PKN2: variants seen among roughly 807,000 people sequenced by gnomAD.
PKN2 encodes protein kinase N2, also known as serine/threonine-protein kinase N2.
PKN2 carries 38 observed loss-of-function variants against 119.1 expected under a neutral mutation model. The ratio of observed to expected loss-of-function variants is 0.32; its 90% CI spans 0.25 to 0.42. PKN2 has a LOEUF of 0.42. Ranked by LOEUF, PKN2 falls within the 10% of genes least tolerant of loss-of-function variation. The probability of loss-of-function intolerance (pLI) is 1.00; values close to 1 mark genes in which losing one functional copy is unlikely to be tolerated. For missense variants in PKN2, 850 were observed against 1,165.1 expected (o/e 0.73, Z 3.94); for synonymous variants, 390 against 384.9 (o/e 1.01, Z -0.15).
At chr1:88,798,833 G>T (rs1318369591) in intron 8 of PKN2, among the ~76,000 whole-genome samples, 1 of 152,142 alleles carries the variant, frequency 6.6e-6, no homozygotes, top group Non-Finnish European at 1.5e-5. Flanking sequence ...TTCCTACAAG[G>T]ATACATAAAA....
intron 6 of PKN2, among the ~76,000 whole-genome samples, chr1:88,772,673 A>C (rs1669943615): frequency 6.6e-6 from 1 of 151,948 alleles, no homozygotes. Context: ...ATCTGTTTTC[A>C]ATTTGGGGGT....
intron 1 of PKN2, among the ~76,000 whole-genome samples, chr1:88,716,810 G>T (rs1403731148): frequency 6.6e-6 from 1 of 152,096 alleles, no homozygotes; most frequent in Non-Finnish European, 1.5e-5. Context: ...GGTTAATATT[G>T]TTATGTGTGA....
intron 1 of PKN2, among the ~76,000 whole-genome samples, chr1:88,690,758 C>T (rs1324658513): frequency 1.3e-5 from 2 of 151,644 alleles, no homozygotes; most frequent in Non-Finnish European, 2.9e-5. Context: ...ATAAATATTG[C>T]CTGTAAAAAA....
intron 6 of PKN2, among the ~76,000 whole-genome samples, chr1:88,778,543 T>C (rs1219492806): frequency 1.3e-5 from 2 of 152,194 alleles, no homozygotes; most frequent in African/African-American, 4.8e-5. Context: ...TTGCAAAGTC[T>C]TTTATTCTCC....
chr1:88,748,393 A>G (rs573924859), intron 2 of PKN2, among the ~76,000 whole-genome samples: 8 of 152,108 alleles, frequency 5.3e-5, no homozygotes, highest in Non-Finnish European at 1.0e-4. Context: ...TGCCTTTGAA[A>G]TTCCTTCAAG....
chr1:88,721,871 T>G (rs1261099203), intron 1 of PKN2, among the ~76,000 whole-genome samples: 2 of 152,180 alleles, frequency 1.3e-5, no homozygotes, highest in African/African-American at 2.4e-5. Context: ...CCACTCTATG[T>G]GAGTGTGTGT....
At chr1:88,771,970 T>A (rs1669912654) in intron 6 of PKN2, 91 bp downstream of exon 6, 2 of 808,324 alleles carry the variant, frequency 2.5e-6, no homozygotes, top group South Asian at 3.4e-5. Context: ...GTGCATAGAT[T>A]TTTAAAATTA....
intron 2 of PKN2, among the ~76,000 whole-genome samples, chr1:88,753,347 T>C (rs1669075317): frequency 6.6e-6 from 1 of 152,216 alleles, no homozygotes; most frequent in Admixed American, 6.5e-5. Flanking sequence ...CTTCCCAGAG[T>C]ACATCCTTTC....
chr1:88,686,141 AT>A (rs1217553090), intron 1 of PKN2, among the ~76,000 whole-genome samples: 1 of 152,170 alleles, frequency 6.6e-6, no homozygotes, highest in Non-Finnish European at 1.5e-5. Flanking sequence ...ATAGTAAATA[AT>A]TTACATGAGC....
At chr1:88,797,172 A>G (rs1671105523) in intron 8 of PKN2, among the ~76,000 whole-genome samples, 1 of 151,838 alleles carries the variant, frequency 6.6e-6, no homozygotes, top group Admixed American at 6.6e-5. Context: ...CATCTCTACT[A>G]AAAATCCAAA....
At chr1:88,699,441 G>A (rs999791124) in intron 1 of PKN2, among the ~76,000 whole-genome samples, 3 of 151,882 alleles carry the variant, frequency 2.0e-5, no homozygotes, top group Non-Finnish European at 4.4e-5. Flanking sequence ...CAAGTTCTGG[G>A]GTGCGTGTGC....
chr1:88,685,745 G>A (rs1020220165), intron 1 of PKN2, among the ~76,000 whole-genome samples: 7 of 152,122 alleles, frequency 4.6e-5, no homozygotes, highest in African/African-American at 1.4e-4. Context: ...TTCTTTTTGT[G>A]TGTTGGACAG....
At position 88,684,550 on chromosome 1, in the gene PKN2, C is replaced by A; in HGVS notation, c.-31C>A. 6.5e-7 allele frequency: 1 copy of A among 1,537,240 alleles called. No individual in the cohort carries two copies. The highest frequency in any genetic ancestry group is 1.2e-5 in the South Asian group (1 of 83,810). On this transcript the variant is annotated 5_prime_UTR_variant, in exon 1 of 22. Coordinates refer to ENST00000370521, the MANE Select transcript of PKN2 (RefSeq NM_006256.4). Reference sequence around the variant, plus strand: ...CTTCTCCCTTCGCCAGAGGCGGCCGCGTCCAGGTGCGGAGTCCATACCGGA... The same window carrying A: ...CTTCTCCCTTCGCCAGAGGCGGCCGAGTCCAGGTGCGGAGTCCATACCGGA...
intron 1 of PKN2, among the ~76,000 whole-genome samples, chr1:88,730,510 G>A (rs566011597): frequency 3.7e-4 from 56 of 152,186 alleles, no homozygotes; most frequent in Non-Finnish European, 6.6e-4. Context: ...AAATAGAAAA[G>A]GAGAAGTAAA....
intron 1 of PKN2, 83 bp downstream of exon 1, chr1:88,684,711 C>G: frequency 8.3e-7 from 1 of 1,210,004 alleles, no homozygotes; most frequent in East Asian, 3.1e-5. Flanking sequence ...CGAGGAAAGC[C>G]CTGCGGCCGC....
intron 7 of PKN2, among the ~76,000 whole-genome samples, chr1:88,785,251 C>A (rs1167987893): frequency 3.3e-5 from 5 of 152,112 alleles, no homozygotes; most frequent in Non-Finnish European, 7.4e-5. Flanking sequence ...ACCTCAGCAT[C>A]CTAAGTAGCT....
chr1:88,728,805 A>T (rs1668004185), intron 1 of PKN2, among the ~76,000 whole-genome samples: 1 of 151,858 alleles, frequency 6.6e-6, no homozygotes, highest in Non-Finnish European at 1.5e-5. Flanking sequence ...AGACGTCATT[A>T]TGAACTCATA....
rs60307008 is a variant in PKN2 at position 88,765,282 on chromosome 1, CAA to C, written c.504+4920_504+4921del. 2.9e-3 allele frequency among the ~76,000 whole-genome samples: 367 copies of C among 128,256 alleles called. 2 individuals are homozygous for C. The highest frequency in any genetic ancestry group is 9.9e-3 in the African/African-American group (350 of 35,282). 84.1% of individuals were successfully genotyped at this position (128,256 alleles called of 152,430 possible). A position where few individuals can be genotyped will look rare whatever the true frequency, so the allele number is the denominator to read the frequency against. ...CCCAGGAGTTTTTGAGACTTCATCT[CAA>C]AAAAAAAAAAAAAGACATGTCTCCT... On this transcript the variant is annotated intron_variant, in intron 3 of 21. Coordinates refer to ENST00000370521, the MANE Select transcript of PKN2 (RefSeq NM_006256.4).
chr1:88,790,913 T>G (rs1331947917), intron 8 of PKN2, among the ~76,000 whole-genome samples: 1 of 152,210 alleles, frequency 6.6e-6, no homozygotes, highest in African/African-American at 2.4e-5. Flanking sequence ...TTTTAATTTT[T>G]AGAAGTTCAT....
Sources: allele counts gnomAD v4.1 joint callset (sites outside exome capture counted in the v4.1 genomes callset), GRCh38; gene constraint gnomAD v4.1.1; transcripts MANE v1.5; gene names NCBI Gene and HGNC (gene_info 2026-07-23, HGNC 2026-07-21).